USP3: variants seen among roughly 807,000 people sequenced by gnomAD.
USP3 encodes ubiquitin specific peptidase 3, also known as ubiquitin carboxyl-terminal hydrolase 3.
Under a neutral mutation model 72.3 loss-of-function variants are expected in USP3, and 20 were observed. That is an observed-to-expected ratio of 0.28 (90% CI 0.19 to 0.40). The LOEUF (loss-of-function observed/expected upper bound fraction) is 0.40. USP3 is among the 10% of genes least tolerant of loss of function. USP3 has a pLI of 1.00. For synonymous variants in USP3, 222 were observed against 225.3 expected, an observed-to-expected ratio of 0.99 and a Z score of 0.13; for missense variants, 479 against 633.9, an observed-to-expected ratio of 0.76 and a Z score of 2.62.
At position 63,588,483 on chromosome 15, in the gene USP3, A is replaced by T; in HGVS notation, c.1215+60A>T. On this transcript the variant is annotated intron_variant, in intron 12 of 14. Coordinates refer to ENST00000380324, the MANE Select transcript of USP3 (RefSeq NM_006537.4). This position sits in a 1 kb window ranked among gnomAD's most constrained non-coding sequence, Gnocchi z 4.6. ...AATGGGAAAGTGCTTGACTGCTAAGACCATGTCTATAACTTTACACTATGT... is the reference window on the plus strand; with the variant it reads ...AATGGGAAAGTGCTTGACTGCTAAGTCCATGTCTATAACTTTACACTATGT... 1 of 1,242,480 alleles carries T rather than the reference A, an allele frequency of 8.0e-7. No homozygotes were observed. Among genetic ancestry groups the T allele is most frequent in the African/African-American group, 1.5e-5 (1 of 66,280 alleles). The allele number at this position is 1,242,480 out of a possible 1,614,324, so 77.0% of individuals were successfully genotyped here.
At chr15:63,590,460 C>A (rs1433607215) in intron 14 of USP3, among the ~76,000 whole-genome samples, 1 of 152,132 alleles carries the variant, frequency 6.6e-6, no homozygotes, top group African/African-American at 2.4e-5. Context: ...TCCATTAGTC[C>A]AGGGCCATCT....
chr15:63,573,397 C>T (rs1029045067), intron 9 of USP3, among the ~76,000 whole-genome samples: 1 of 152,122 alleles, frequency 6.6e-6, no homozygotes, highest in Admixed American at 6.5e-5. Flanking sequence ...TTTTGAAAAT[C>T]GTTCTTAAAA....
chr15:63,504,737 G>T lies in USP3; in HGVS notation c.-3G>T. 6.2e-7 allele frequency: 1 copy of T among 1,606,338 alleles called. No homozygotes were observed. Among genetic ancestry groups the T allele is most frequent in the Non-Finnish European group, 8.5e-7 (1 of 1,176,772 alleles). ...AGTCCTCCCAGCTGCCCTCCTCGTG[G>T]CCATGGAGTGTCCACACCTGAGCTC... On this transcript the variant is annotated 5_prime_UTR_variant, in exon 1 of 15. Coordinates refer to ENST00000380324, the MANE Select transcript of USP3 (RefSeq NM_006537.4).
At chr15:63,562,248 C>T (rs886338592) in intron 7 of USP3, among the ~76,000 whole-genome samples, 3 of 152,086 alleles carry the variant, frequency 2.0e-5, no homozygotes, top group African/African-American at 4.8e-5. Flanking sequence ...AAAAAATGAG[C>T]GTTCTATTCA....
chr15:63,537,128 A>T lies in USP3; in HGVS notation c.256A>T (p.Met86Leu). ...KQDKVQHTVC[M>L]DCSSYSTYCY... is the part of the protein sequence containing the mutation. Reference sequence around the variant, plus strand: ...AGATAAAGTTCAGCACACAGTATGTATGGATTGCAGTAGCTACAGTACATA... The same window carrying T: ...AGATAAAGTTCAGCACACAGTATGTTTGGATTGCAGTAGCTACAGTACATA... Residue 86 changes from methionine to leucine, a missense_variant, in exon 3 of 15, where the codon ATG (methionine) becomes TTG (leucine). Coordinates refer to ENST00000380324, the MANE Select transcript of USP3 (RefSeq NM_006537.4). The T allele has an allele frequency of 6.2e-7, 1 of 1,614,108 alleles. No individual in the cohort carries two copies. The highest frequency in any genetic ancestry group is 8.5e-7 in the Non-Finnish European group (1 of 1,179,984).
chr15:63,590,608 GTCTTTTTGTGATTTCTGAGGT>G, intron 14 of USP3, 32 bp from the exon 15 acceptor site: 1 of 1,452,992 alleles, frequency 6.9e-7, no homozygotes. Flanking sequence ...AGTTGTACAG[GTCTTTTTGTGATTTCTGAGGT>G]TCTTTTTTCC....
intron 1 of USP3, among the ~76,000 whole-genome samples, chr15:63,512,355 C>T (rs1393853800): frequency 2.5e-5 from 1 of 39,626 alleles, no homozygotes; most frequent in African/African-American, 9.6e-5. Context: ...TCCTCTTCCT[C>T]TTCTTCTTCT....
chr15:63,579,915 A>ATTGGTGAAAAGGGTAAAGATGGATGT (rs1384290128), intron 11 of USP3, among the ~76,000 whole-genome samples: 4 of 152,204 alleles, frequency 2.6e-5, no homozygotes, highest in Non-Finnish European at 4.4e-5. Context: ...GTGGAAGAGG[A>ATTGGTGAAAAGGGTAAAGATGGATGT]CACTCGTGTT....
At chr15:63,519,745 C>T (rs1034562900) in intron 1 of USP3, among the ~76,000 whole-genome samples, 1 of 152,134 alleles carries the variant, frequency 6.6e-6, no homozygotes, top group Admixed American at 6.5e-5. Flanking sequence ...AGGATGATTG[C>T]AAGGTGATGA....
At chr15:63,550,167 G>A (rs2066416117) in intron 3 of USP3, among the ~76,000 whole-genome samples, 1 of 152,198 alleles carries the variant, frequency 6.6e-6, no homozygotes, top group South Asian at 2.1e-4. Flanking sequence ...CTACAGGCGT[G>A]TGCCACCACG....
At chr15:63,557,268 G>GT (rs534404085) in intron 5 of USP3, among the ~76,000 whole-genome samples, 6,453 of 142,248 alleles carry the variant, frequency 0.045, 179 homozygotes, top group African/African-American at 0.066. Flanking sequence ...TTTTGTTTTT[G>GT]TTTTTTTTTT....
intron 11 of USP3, among the ~76,000 whole-genome samples, chr15:63,576,865 C>G (rs1213065320): frequency 6.6e-6 from 1 of 152,200 alleles, no homozygotes; most frequent in Non-Finnish European, 1.5e-5. Flanking sequence ...GGGCACTTCT[C>G]TTCTTGGACA....
intron 3 of USP3, among the ~76,000 whole-genome samples, chr15:63,540,269 C>CT (rs1401241098): frequency 6.6e-6 from 1 of 152,176 alleles, no homozygotes; most frequent in Non-Finnish European, 1.5e-5. Flanking sequence ...TCACTGAACT[C>CT]TTCTCTTTCC....
chr15:63,585,149 A>G (rs1316508418), intron 11 of USP3, among the ~76,000 whole-genome samples: 1 of 152,186 alleles, frequency 6.6e-6, no homozygotes, highest in African/African-American at 2.4e-5. Context: ...TAAGTTTTAA[A>G]ATTGAAAGTA....
intron 3 of USP3, among the ~76,000 whole-genome samples, chr15:63,546,391 G>A (rs1468770136): frequency 6.6e-6 from 1 of 152,098 alleles, no homozygotes; most frequent in Non-Finnish European, 1.5e-5. Flanking sequence ...CAATCTACAC[G>A]TTTTTGAAAC....
intron 1 of USP3, among the ~76,000 whole-genome samples, chr15:63,512,281 C>G (rs11638523): frequency 6.7e-6 from 1 of 148,408 alleles, no homozygotes; most frequent in Non-Finnish European, 1.5e-5. Context: ...CTTCTTCTTC[C>G]TCTTCTTCCT....
At chr15:63,508,851 T>C (rs1052546891) in intron 1 of USP3, among the ~76,000 whole-genome samples, 1 of 152,334 alleles carries the variant, frequency 6.6e-6, no homozygotes, top group Non-Finnish European at 1.5e-5. Flanking sequence ...AATTCTTCAA[T>C]GAGTTGAGAG....
Position 63,591,132 on chromosome 15 carries a change from T to G in USP3, c.*306T>G. The G allele has an allele frequency of 4.0e-6, 1 of 250,468 alleles. No individual in the cohort carries two copies. Among genetic ancestry groups the G allele is most frequent in the Non-Finnish European group, 7.7e-6 (1 of 129,498 alleles). The allele number at this position is 250,468 out of a possible 1,614,324, so 15.5% of individuals were successfully genotyped here. ...ATGTTAATGTTTTCAGTTCTCACTT[T>G]GAGGCACATTTACATCAATGCTTTT... On this transcript the variant is annotated 3_prime_UTR_variant, in exon 15 of 15. Transcript: ENST00000380324.
chr15:63,562,659 G>A (rs1432469703), intron 7 of USP3, among the ~76,000 whole-genome samples: 3 of 152,290 alleles, frequency 2.0e-5, no homozygotes, highest in African/African-American at 4.8e-5. Context: ...CAAACATGGC[G>A]GTGCATGGGC....
Sources: gnomAD v4.1 joint callset for allele counts (sites outside exome capture counted in the v4.1 genomes callset) on GRCh38, gnomAD v4.1.1 for gene constraint, Gnocchi (gnomAD v3.1) non-coding constraint, MANE v1.5 for transcripts, NCBI Gene and HGNC (gene_info 2026-07-23, HGNC 2026-07-21) for gene names.